AGBL4: variants seen among roughly 807,000 people sequenced by gnomAD.
The protein encoded by AGBL4 is cytosolic carboxypeptidase 6.
Under a neutral mutation model 66.4 loss-of-function variants are expected in AGBL4, and 58 were observed. The ratio of observed to expected loss-of-function variants is 0.87; its 90% confidence interval spans 0.71 to 1.09. The LOEUF (loss-of-function observed/expected upper bound fraction) is 1.09, where lower values mean the gene tolerates loss of function less well. Among genes scored for constraint, AGBL4 ranks in the 50% least tolerant of loss-of-function variants. The probability of loss-of-function intolerance (pLI) is 0.00; values close to 1 mark genes in which losing one functional copy is unlikely to be tolerated. For missense variants in AGBL4, 579 were observed against 631.0 expected (o/e 0.92, Z 0.88); for synonymous variants, 234 against 222.9 (o/e 1.05, Z -0.44).
chr1:49,459,475 C>A (rs931039681), intron 3 of AGBL4, among the ~76,000 whole-genome samples: 7 of 151,344 alleles, frequency 4.6e-5, no homozygotes. Flanking sequence ...TCTAACTGAG[C>A]TTTTGTATTT....
intron 1 of AGBL4, among the ~76,000 whole-genome samples, chr1:50,000,625 C>T (rs1050712574): frequency 6.6e-6 from 1 of 152,044 alleles, no homozygotes; most frequent in Non-Finnish European, 1.5e-5. Context: ...TGTACAGGCA[C>T]GTTTATAGCA....
intron 2 of AGBL4, among the ~76,000 whole-genome samples, chr1:49,748,483 G>A (rs866547533): frequency 2.0e-5 from 3 of 152,122 alleles, no homozygotes; most frequent in African/African-American, 7.2e-5. Context: ...ATGTGCATGT[G>A]GCTTTATTAT....
At chr1:48,817,444 A>C (rs962019754) in intron 6 of AGBL4, 2 of 152,274 alleles carry the variant, frequency 1.3e-5, no homozygotes, top group Admixed American at 6.5e-5. Flanking sequence ...CCTGAACTTC[A>C]GTTTCTTTAT....
chr1:49,596,495 C>G (rs1484528581), intron 3 of AGBL4, among the ~76,000 whole-genome samples: 2 of 152,138 alleles, frequency 1.3e-5, no homozygotes, highest in Non-Finnish European at 1.5e-5. Context: ...AAACACTTAT[C>G]AGTAACAGCA....
At chr1:49,924,908 C>T (rs953320314) in intron 1 of AGBL4, among the ~76,000 whole-genome samples, 1 of 152,140 alleles carries the variant, frequency 6.6e-6, no homozygotes, top group African/African-American at 2.4e-5. Context: ...GCTGCCACCA[C>T]TGAATAAAGT....
intron 2 of AGBL4, among the ~76,000 whole-genome samples, chr1:49,788,216 C>T (rs1407570780): frequency 6.6e-6 from 1 of 152,098 alleles, no homozygotes; most frequent in African/African-American, 2.4e-5. Context: ...AAGTTACAGA[C>T]ACTTGGAAAA....
chr1:49,019,823 C>T (rs938962815), intron 5 of AGBL4, among the ~76,000 whole-genome samples: 1 of 152,196 alleles, frequency 6.6e-6, no homozygotes, highest in African/African-American at 2.4e-5. Flanking sequence ...CAAGTCTCAA[C>T]TCTGCCTCTA....
intron 4 of AGBL4, among the ~76,000 whole-genome samples, chr1:49,211,829 C>G (rs1451135355): frequency 6.6e-6 from 1 of 152,020 alleles, no homozygotes; most frequent in African/African-American, 2.4e-5. Flanking sequence ...TTATCATTTT[C>G]AAATCACACA....
At chr1:49,943,751 T>G (rs555664446) in intron 1 of AGBL4, among the ~76,000 whole-genome samples, 4 of 150,434 alleles carry the variant, frequency 2.7e-5, no homozygotes. Flanking sequence ...AGCAGAACTT[T>G]GTAACAATTC....
chr1:49,814,354 G>A (rs1160873532), intron 2 of AGBL4, among the ~76,000 whole-genome samples: 1 of 152,096 alleles, frequency 6.6e-6, no homozygotes, highest in East Asian at 1.9e-4. Flanking sequence ...GTGGACAGAT[G>A]ACAGTGTCTT....
chr1:49,899,677 T>C (rs1440477896), intron 1 of AGBL4, among the ~76,000 whole-genome samples: 1 of 152,178 alleles, frequency 6.6e-6, no homozygotes, highest in Non-Finnish European at 1.5e-5. Flanking sequence ...TAAATCAGAT[T>C]TGAGTAAAAT....
At chr1:49,508,846 G>C (rs1298446571) in intron 3 of AGBL4, among the ~76,000 whole-genome samples, 1 of 151,874 alleles carries the variant, frequency 6.6e-6, no homozygotes, top group Non-Finnish European at 1.5e-5. Context: ...GGGGATTATA[G>C]CATTGATTAC....
At chr1:48,731,033 A>G (rs1005998100) in intron 6 of AGBL4, among the ~76,000 whole-genome samples, 14 of 152,184 alleles carry the variant, frequency 9.2e-5, no homozygotes, top group African/African-American at 3.4e-4. Context: ...AAAATCAAAG[A>G]GAAGAAGAAG....
At chr1:49,059,179 T>C (rs556808213) in intron 4 of AGBL4, among the ~76,000 whole-genome samples, 12 of 151,948 alleles carry the variant, frequency 7.9e-5, no homozygotes, top group Non-Finnish European at 1.0e-4. Context: ...AGGGAAAAAA[T>C]GGTTTCATGG....
chr1:49,457,328 G>C (rs1646412116), intron 3 of AGBL4, among the ~76,000 whole-genome samples: 1 of 151,556 alleles, frequency 6.6e-6, no homozygotes, highest in Non-Finnish European at 1.5e-5. Flanking sequence ...TAATTGATGA[G>C]GTTGAGCATT....
chr1:49,409,942 G>C (rs530403772), intron 3 of AGBL4, among the ~76,000 whole-genome samples: 1 of 152,252 alleles, frequency 6.6e-6, no homozygotes, highest in Admixed American at 6.5e-5. Context: ...GTATGGACAG[G>C]AAGAAGACAT....
Position 49,347,302 on chromosome 1 carries a change from A to C in AGBL4, c.283-101438T>G, listed in dbSNP as rs181656869. ...AGTCTTGCTCTGTCACCCAGGCTGGAGTGCAGTGGCACGATCTCAGCTCAC... is the reference window on the plus strand; with the variant it reads ...AGTCTTGCTCTGTCACCCAGGCTGGCGTGCAGTGGCACGATCTCAGCTCAC... On this transcript the variant is annotated intron_variant, in intron 3 of 13. Transcript: ENST00000371839. Among the ~76,000 whole-genome samples the C allele has an allele frequency of 3.8e-3, 527 of 138,846 alleles. 3 individuals carry two copies. Among genetic ancestry groups the C allele is most frequent in the African/African-American group, 0.014 (517 of 36,386 alleles). The allele number at this position is 138,846 out of a possible 152,430, so 91.1% of individuals were successfully genotyped here.
intron 3 of AGBL4, among the ~76,000 whole-genome samples, chr1:49,618,826 C>G (rs1018514597): frequency 1.3e-5 from 2 of 152,154 alleles, no homozygotes; most frequent in African/African-American, 4.8e-5. Flanking sequence ...GTATGCAAAT[C>G]AATAAACGTA....
At chr1:49,697,162 T>C (rs933132859) in intron 3 of AGBL4, 151 bp downstream of exon 3, 3 of 789,004 alleles carry the variant, frequency 3.8e-6, no homozygotes, top group Non-Finnish European at 3.8e-6. Flanking sequence ...TGTATCTATT[T>C]CTCTGCATCT....
Sources: allele counts gnomAD v4.1 joint callset (sites outside exome capture counted in the v4.1 genomes callset), GRCh38; gene constraint gnomAD v4.1.1; transcripts MANE v1.5; gene names NCBI Gene and HGNC (gene_info 2026-07-23, HGNC 2026-07-21).